PTCH1: variants seen among roughly 807,000 people sequenced by gnomAD.
PTCH1 encodes the protein protein patched homolog 1.
Under a neutral mutation model 144.6 loss-of-function variants are expected in PTCH1, and 14 were observed. That is an observed-to-expected ratio of 0.10 (90% CI 0.06 to 0.15). The LOEUF (loss-of-function observed/expected upper bound fraction) is 0.15, where lower values mean the gene tolerates loss of function less well. Among genes scored for constraint, PTCH1 ranks in the 10% least tolerant of loss-of-function variants. The pLI, the probability that PTCH1 is intolerant of heterozygous loss-of-function variation, is 1.00. For missense variants in PTCH1, 1,623 were observed against 1,948.3 expected (o/e 0.83, Z 3.14); for synonymous variants, 833 against 793.6 (o/e 1.05, Z -0.83).
chr9:95,515,213 TAAA>T (rs1844310843), intron 1 of PTCH1, among the ~76,000 whole-genome samples: 1 of 152,186 alleles, frequency 6.6e-6, no homozygotes, highest in South Asian at 2.1e-4. Flanking sequence ...AATAAAAACC[TAAA>T]AGAAATGCAC....
chr9:95,451,943 G>A (rs768414984), intron 20 of PTCH1: 1 of 152,160 alleles, frequency 6.6e-6, no homozygotes, highest in Non-Finnish European at 1.5e-5. Context: ...CTGGCTTGCT[G>A]GCTTAGCAGT....
At chr9:95,479,785 C>T in intron 7 of PTCH1, 184 bp downstream of exon 7, 1 of 904,200 alleles carries the variant, frequency 1.1e-6, no homozygotes, top group Non-Finnish European at 1.7e-6. Flanking sequence ...AAATTCCCCA[C>T]AAGGTGCTTT....
At chr9:95,513,165 A>G (rs976209806), upstream of PTCH1, among the ~76,000 whole-genome samples, 10 of 152,336 alleles carry the variant, frequency 6.6e-5, no homozygotes, top group Middle Eastern at 3.4e-3. Flanking sequence ...GGATGTTCCA[A>G]TGGTAAGCAA....
chr9:95,490,544 C>CACAA (rs1842321812), intron 2 of PTCH1, among the ~76,000 whole-genome samples: 1 of 151,800 alleles, frequency 6.6e-6, no homozygotes, highest in East Asian at 1.9e-4. Context: ...CACACACACA[C>CACAA]ACACACACAC....
In PTCH1 at chr9:95,508,518, C is replaced by T. The variant is rs1843936688; in HGVS notation, c.-157G>A. On this transcript the variant is annotated 5_prime_UTR_variant, in exon 1 of 24. Coordinates refer to ENST00000331920, the MANE Select transcript of PTCH1 (RefSeq NM_000264.5). ...TCGGGCTCGGGCTCCGGTTGACAGA[C>T]CAGCCGCTGCTGCTGCTCACACGGC... 9.8e-7 allele frequency: 1 copy of T among 1,015,298 alleles called. No homozygotes were observed. Among genetic ancestry groups the T allele is most frequent in the Non-Finnish European group, 1.2e-6 (1 of 849,478 alleles). 62.9% of individuals were successfully genotyped at this position (1,015,298 alleles called of 1,614,324 possible).
In PTCH1 at chr9:95,447,008, G is replaced by A; in HGVS notation, c.4248C>T (p.Phe1416=). 1 of 1,614,192 alleles carries A rather than the reference G, an allele frequency of 6.2e-7. No individual in the cohort carries two copies. The highest frequency in any genetic ancestry group is 8.5e-7 in the Non-Finnish European group (1 of 1,180,032). ...HGLFEDPHVP[F]HVRCERRDSK... is the part of the protein sequence containing the mutation. The stretch of plus-strand genomic sequence containing the variant: ...AATCCCTCCTCTCACACCGGACGTG[G>A]AAAGGCACGTGGGGGTCCTCAAACA... Residue 1416 remains phenylalanine, a synonymous_variant, in exon 23 of 24, where the codon TTC becomes TTT. Coordinates refer to ENST00000331920, the MANE Select transcript of PTCH1 (RefSeq NM_000264.5).
chr9:95,493,956 G>A (rs978734390), intron 2 of PTCH1, among the ~76,000 whole-genome samples: 1 of 152,042 alleles, frequency 6.6e-6, no homozygotes, highest in South Asian at 2.1e-4. Flanking sequence ...GTGCCCCTGC[G>A]TGTTGCCATG....
At chr9:95,499,877 C>T (rs951755840) in intron 2 of PTCH1, among the ~76,000 whole-genome samples, 1 of 151,946 alleles carries the variant, frequency 6.6e-6, no homozygotes, top group African/African-American at 2.4e-5. Flanking sequence ...AAGGCGGCCA[C>T]CAAAGCGCCC....
chr9:95,494,661 A>C (rs1013721365), intron 2 of PTCH1, among the ~76,000 whole-genome samples: 12 of 152,164 alleles, frequency 7.9e-5, no homozygotes, highest in Non-Finnish European at 1.5e-4. Flanking sequence ...TGTGATGACG[A>C]GCGCGCGCTG....
rs748299945 is a variant in PTCH1, at chr9:95,485,885, T to A, written c.395-11A>T. On this transcript the variant is annotated splice_polypyrimidine_tract_variant and intron_variant, in intron 2 of 23. Coordinates refer to ENST00000331920, the MANE Select transcript of PTCH1 (RefSeq NM_000264.5). ...TTACTCGTCCTCCAACTGACAAATA[T>A]GTACAGGTTTAATTAGAATAGCAAA... 1 of 1,614,038 alleles carries A rather than the reference T, an allele frequency of 6.2e-7. No individual in the cohort carries two copies. Among genetic ancestry groups the A allele is most frequent in the Admixed American group, 1.7e-5 (1 of 60,010 alleles).
At position 95,508,423 on chromosome 9, in the gene PTCH1, C is replaced by A; in HGVS notation, c.-62G>T. ...GCTTCCCGGGCGGCCCGGCGCGCTG[C>A]TGCCGCTGCTGCGGGCTCCTGGCGC... On this transcript the variant is annotated 5_prime_UTR_variant, in exon 1 of 24. Transcript: ENST00000331920. The A allele has an allele frequency of 9.5e-7, 1 of 1,048,468 alleles. No homozygotes were observed. The highest frequency in any genetic ancestry group is 1.1e-6 in the Non-Finnish European group (1 of 872,786). 64.9% of individuals were successfully genotyped at this position (1,048,468 alleles called of 1,614,324 possible).
exon 1 of PTCH1, chr9:95,516,855 C>CA: frequency 6.5e-7 from 1 of 1,542,916 alleles, no homozygotes; most frequent in Non-Finnish European, 8.8e-7. Context: ...GCGCCATAGG[C>CA]AGGACCTGTC....
rs1344163124 is a variant in PTCH1 at position 95,449,648 on chromosome 9, G to A, written c.3549+193C>T. The A allele has an allele frequency of 2.9e-6, 2 of 680,818 alleles. No homozygotes were observed. Among genetic ancestry groups the A allele is most frequent in the East Asian group, 5.4e-5 (2 of 36,964 alleles). 42.2% of individuals were successfully genotyped at this position (680,818 alleles called of 1,614,324 possible). On this transcript the variant is annotated intron_variant, in intron 21 of 23. Coordinates refer to ENST00000331920, the MANE Select transcript of PTCH1 (RefSeq NM_000264.5). The surrounding 1 kb of genome is among the most constrained non-coding windows in gnomAD (Gnocchi z 5.3). ...CCCAGGCTGCCAATCAGTTGATTTA[G>A]AGGAACCAAACCGAACCCGCCCTCT... is the stretch of plus-strand genomic sequence containing the variant.
intron 3 of PTCH1, 72 bp downstream of exon 3, chr9:95,485,613 G>C (rs1315497712): frequency 1.3e-6 from 2 of 1,570,298 alleles, no homozygotes; most frequent in Admixed American, 3.4e-5. Context: ...TAAAATAACG[G>C]GGCCTAAACC....
chr9:95,487,792 T>C (rs191920407), intron 2 of PTCH1, among the ~76,000 whole-genome samples: 3 of 152,318 alleles, frequency 2.0e-5, no homozygotes, highest in Non-Finnish European at 4.4e-5. Flanking sequence ...GATTACAAAG[T>C]TGCACCTCCT....
At chr9:95,448,067 G>T (rs191030299) in intron 22 of PTCH1, among the ~76,000 whole-genome samples, 77 of 152,294 alleles carry the variant, frequency 5.1e-4, no homozygotes, top group Non-Finnish European at 8.2e-4. Context: ...TGTTCCATCT[G>T]ATTGTTAAGA....
At chr9:95,468,150 C>T (rs1308059888) in intron 14 of PTCH1, among the ~76,000 whole-genome samples, 1 of 152,196 alleles carries the variant, frequency 6.6e-6, no homozygotes, top group Non-Finnish European at 1.5e-5. Flanking sequence ...TCACTGTAGC[C>T]TCGACTCCCT....
chr9:95,477,517 C>T (rs749356995), intron 10 of PTCH1, 30 bp downstream of exon 10: 153 of 1,613,864 alleles, frequency 9.5e-5, no homozygotes, highest in Admixed American at 1.2e-4. Context: ...CATTTGTCAA[C>T]GGACAGCAGA....
exon 1 of PTCH1, chr9:95,516,879 G>A: frequency 4.1e-6 from 6 of 1,450,692 alleles, no homozygotes; most frequent in South Asian, 3.8e-5. Context: ...GTCACGTGAC[G>A]GATCCGAAAA....
Sources: gnomAD v4.1 joint callset for allele counts (sites outside exome capture counted in the v4.1 genomes callset) on GRCh38, gnomAD v4.1.1 for gene constraint, Gnocchi (gnomAD v3.1) non-coding constraint, MANE v1.5 for transcripts, NCBI Gene and HGNC (gene_info 2026-07-23, HGNC 2026-07-21) for gene names.